The following UNC13C variants were observed in gnomAD, a reference collection of about 807,000 sequenced individuals.
The protein encoded by UNC13C is protein unc-13 homolog C.
Under a neutral mutation model 245.4 loss-of-function variants are expected in UNC13C, and 174 were observed. The ratio of observed to expected loss-of-function variants is 0.71; its 90% CI spans 0.63 to 0.80. The LOEUF is 0.80. Ranked by LOEUF, UNC13C falls within the 30% of genes least tolerant of loss-of-function variation. UNC13C has a pLI of 0.00. For synonymous variants in UNC13C, 992 were observed against 895.1 expected, an observed-to-expected ratio of 1.11 and a Z score of -1.93; for missense variants, 2,829 against 2,602.9, an observed-to-expected ratio of 1.09 and a Z score of -1.89.
At chr15:54,083,373 C>T (rs1395000539) in intron 2 of UNC13C, among the ~76,000 whole-genome samples, 1 of 152,220 alleles carries the variant, frequency 6.6e-6, no homozygotes, top group Non-Finnish European at 1.5e-5. Flanking sequence ...GAGCAGACAA[C>T]TGTATGGCTT....
At chr15:54,330,430 A>G (rs1052437238) in intron 14 of UNC13C, among the ~76,000 whole-genome samples, 1 of 152,012 alleles carries the variant, frequency 6.6e-6, no homozygotes, top group East Asian at 1.9e-4. Flanking sequence ...GTAAGGAACA[A>G]TGGAAGAACG....
At chr15:54,478,571 C>T (rs532272814) in intron 19 of UNC13C, among the ~76,000 whole-genome samples, 1 of 122,278 alleles carries the variant, frequency 8.2e-6, no homozygotes, top group African/African-American at 3.1e-5. Context: ...ATTATGTACC[C>T]AGTAGTCATT....
At chr15:54,119,354 T>G (rs1203552922) in intron 2 of UNC13C, among the ~76,000 whole-genome samples, 1 of 152,140 alleles carries the variant, frequency 6.6e-6, no homozygotes, top group African/African-American at 2.4e-5. Context: ...GATTATTATG[T>G]GTATTATAGT....
intron 4 of UNC13C, among the ~76,000 whole-genome samples, chr15:54,229,138 A>G (rs1283836453): frequency 1.3e-5 from 2 of 152,098 alleles, no homozygotes; most frequent in Non-Finnish European, 2.9e-5. Context: ...ATTGAGTTCC[A>G]ATGTTCCAAC....
chr15:54,277,247 A>T (rs573231972), intron 10 of UNC13C, among the ~76,000 whole-genome samples: 2 of 152,264 alleles, frequency 1.3e-5, no homozygotes, highest in East Asian at 3.9e-4. Flanking sequence ...TCTTTCAGTT[A>T]TGTTTCTACC....
chr15:54,226,974 G>T lies in UNC13C; in HGVS notation c.3072-8056G>T, dbSNP rs533630398. Among the ~76,000 whole-genome samples, 3 of 152,260 alleles carry T rather than the reference G, an allele frequency of 2.0e-5. No individual in the cohort carries two copies. In the South Asian group the frequency reaches 6.2e-4, roughly 32 times the overall value. On this transcript the variant is annotated intron_variant, in intron 4 of 32. Coordinates refer to ENST00000260323, the MANE Select transcript of UNC13C (RefSeq NM_001080534.3). Reference sequence around the variant, plus strand: ...TACCCACAGCGTGGCAAGCAGGGAAGGGTAGGGGGCATGTTTCAGCCCTGT... The same window carrying T: ...TACCCACAGCGTGGCAAGCAGGGAATGGTAGGGGGCATGTTTCAGCCCTGT...
Position 54,532,642 on chromosome 15 carries a change from A to G in UNC13C, c.5547-275A>G, listed in dbSNP as rs537986111. Among the ~76,000 whole-genome samples the G allele has an allele frequency of 5.6e-5, 8 of 142,838 alleles. No individual in the cohort carries two copies. In the South Asian group the frequency reaches 1.7e-3, roughly 30 times the overall value. 93.7% of individuals were successfully genotyped at this position (142,838 alleles called of 152,430 possible). ...ATTTTCCCAAACCGTGCTCAGAGGA[A>G]CATCTCAACTGTGACTATCAGAGGT... On this transcript the variant is annotated intron_variant, in intron 25 of 32. Coordinates refer to ENST00000260323, the MANE Select transcript of UNC13C (RefSeq NM_001080534.3).
At chr15:54,161,588 T>C (rs1420599223) in intron 4 of UNC13C, among the ~76,000 whole-genome samples, 1 of 152,138 alleles carries the variant, frequency 6.6e-6, no homozygotes, top group Non-Finnish European at 1.5e-5. Context: ...AGAGTTGTTC[T>C]TGTTTTGGTG....
chr15:54,069,252 GA>G (rs1401717197), intron 2 of UNC13C, among the ~76,000 whole-genome samples: 1 of 152,170 alleles, frequency 6.6e-6, no homozygotes. Context: ...AGGTTGTAGA[GA>G]AAAGGGCTGG....
intron 1 of UNC13C, among the ~76,000 whole-genome samples, chr15:53,995,691 G>A (rs1394368666): frequency 6.6e-6 from 1 of 152,056 alleles, no homozygotes; most frequent in Non-Finnish European, 1.5e-5. Context: ...GCTCCAGCAG[G>A]TCCCATTGTC....
At chr15:54,531,897 T>G (rs1895757700) in intron 25 of UNC13C, among the ~76,000 whole-genome samples, 2 of 152,174 alleles carry the variant, frequency 1.3e-5, no homozygotes, top group South Asian at 4.1e-4. Flanking sequence ...ATTTGCTTAT[T>G]CTGGATATTT....
In UNC13C at chr15:54,628,378, G is replaced by A. The variant is rs1210293293; in HGVS notation, c.*1265G>A. On this transcript the variant is annotated 3_prime_UTR_variant, in exon 33 of 33. Coordinates refer to ENST00000260323, the MANE Select transcript of UNC13C (RefSeq NM_001080534.3). ...AGAAGCAGAAACAAGAGCCTGTTAT[G>A]ATTGTGCTTTGTGAACAAGCTGATC... The A allele has an allele frequency of 6.6e-6, 1 of 151,806 alleles. No homozygotes were observed. The highest frequency in any genetic ancestry group is 2.4e-5 in the African/African-American group (1 of 41,400). The allele number at this position is 151,806 out of a possible 1,614,324, so 9.4% of individuals were successfully genotyped here. A position where few individuals can be genotyped will look rare whatever the true frequency, so the allele number is the denominator to read the frequency against.
chr15:54,596,698 T>C (rs1899101967), intron 30 of UNC13C, among the ~76,000 whole-genome samples: 2 of 152,180 alleles, frequency 1.3e-5, no homozygotes, highest in South Asian at 4.1e-4. Context: ...TGGGGGCAGA[T>C]CTCTCATGAA....
the UNC13C span, among the ~76,000 whole-genome samples, chr15:53,970,315 C>T: frequency 1.3e-5 from 2 of 152,132 alleles, no homozygotes; most frequent in Admixed American, 6.5e-5. Flanking sequence ...GTGATCCACC[C>T]GCCTCAGCTT....
At chr15:54,129,887 CT>C (rs200515577) in intron 2 of UNC13C, among the ~76,000 whole-genome samples, 136 of 98,606 alleles carry the variant, frequency 1.4e-3, no homozygotes, top group African/African-American at 4.3e-3. Context: ...ACGTTATTGT[CT>C]TTTTTTTTGT....
chr15:54,354,414 C>T (rs1415861108), intron 17 of UNC13C, among the ~76,000 whole-genome samples: 1 of 152,104 alleles, frequency 6.6e-6, no homozygotes, highest in African/African-American at 2.4e-5. Context: ...ATTCTGTTAG[C>T]CTTATAAAAA....
At chr15:54,553,028 A>T (rs867618754) in intron 28 of UNC13C, among the ~76,000 whole-genome samples, 1 of 98,242 alleles carries the variant, frequency 1.0e-5, no homozygotes, top group African/African-American at 3.9e-5. Context: ...TCTATATTAC[A>T]ATATATAATA....
Position 54,588,763 on chromosome 15 carries a change from C to A in UNC13C, c.6106+20816C>A, listed in dbSNP as rs565835323. Among the ~76,000 whole-genome samples the A allele has an allele frequency of 5.9e-5, 9 of 152,282 alleles. No individual in the cohort carries two copies. In the South Asian group the frequency reaches 1.5e-3, roughly 25 times the overall value. ...TTGATTTTCCATTCCTGAGTTGCTT[C>A]ACTTAGAATAATAGTCACCAATCTC... On this transcript the variant is annotated intron_variant, in intron 30 of 32. Transcript: ENST00000260323.
chr15:54,237,790 C>T, intron 7 of UNC13C, 100 bp downstream of exon 7: 1 of 1,020,172 alleles, frequency 9.8e-7, no homozygotes, highest in Non-Finnish European at 1.4e-6. Context: ...ATGTTTAGTC[C>T]AATGTTCCAG....
Sources: allele counts gnomAD v4.1 joint callset (sites outside exome capture counted in the v4.1 genomes callset), GRCh38; gene constraint gnomAD v4.1.1; transcripts MANE v1.5; gene names NCBI Gene and HGNC (gene_info 2026-07-23, HGNC 2026-07-21).